Variants in TMEM229B observed in about 807,000 individuals in gnomAD.
The protein encoded by TMEM229B is chromosome 14 open reading frame 83.
Under a neutral mutation model 13.7 loss-of-function variants are expected in TMEM229B, and 6 were observed. The observed-to-expected ratio is 0.44, with a 90% CI of 0.24 to 0.86. The LOEUF (loss-of-function observed/expected upper bound fraction) is 0.86. Among genes scored for constraint, TMEM229B ranks in the 40% least tolerant of loss-of-function variants. TMEM229B has a pLI of 0.23. For missense variants in TMEM229B, 170 were observed against 236.0 expected (o/e 0.72, Z 1.83); for synonymous variants, 107 against 102.1 (o/e 1.05, Z -0.29).
chr14:67,517,424 G>A (rs148404078), upstream of TMEM229B, among the ~76,000 whole-genome samples: 357 of 152,176 alleles, frequency 2.3e-3, 2 homozygotes, highest in African/African-American at 8.1e-3. Context: ...TTAGGGACCC[G>A]CAAAAATGTA....
At chr14:67,489,883 G>A (rs573836932), upstream of TMEM229B, among the ~76,000 whole-genome samples, 6 of 152,224 alleles carry the variant, frequency 3.9e-5, no homozygotes, top group African/African-American at 1.4e-4. Context: ...CCAGCTACTT[G>A]GGAGGCTGAG....
intron 1 of TMEM229B, among the ~76,000 whole-genome samples, chr14:67,498,537 G>A (rs2032481223): frequency 6.6e-6 from 1 of 152,108 alleles, no homozygotes; most frequent in Non-Finnish European, 1.5e-5. Flanking sequence ...TAAAAGACAG[G>A]GCTACCATTT....
intron 2 of TMEM229B, among the ~76,000 whole-genome samples, chr14:67,479,505 G>A (rs1594681038): frequency 6.6e-6 from 1 of 151,336 alleles, no homozygotes; most frequent in Non-Finnish European, 1.5e-5. Context: ...ATCACCTGAG[G>A]TCAGGAGTTC....
chr14:67,526,816 C>A (rs1471203347), intron 1 of TMEM229B, among the ~76,000 whole-genome samples: 2 of 151,994 alleles, frequency 1.3e-5, no homozygotes, highest in African/African-American at 4.8e-5. Context: ...ATGTCCAGGG[C>A]TTCCATACTG....
intron 1 of TMEM229B, among the ~76,000 whole-genome samples, chr14:67,520,713 A>G (rs937895053): frequency 1.3e-5 from 2 of 152,154 alleles, no homozygotes; most frequent in African/African-American, 4.8e-5. Context: ...TTTACCCATC[A>G]CCTACTGAAG....
intron 1 of TMEM229B, among the ~76,000 whole-genome samples, chr14:67,506,216 C>T (rs535767145): frequency 1.3e-5 from 2 of 152,182 alleles, no homozygotes; most frequent in East Asian, 1.9e-4. Context: ...TGGGACTCTG[C>T]TTCATAAAGC....
chr14:67,517,301 G>T (rs1472748794), upstream of TMEM229B, among the ~76,000 whole-genome samples: 1 of 152,212 alleles, frequency 6.6e-6, no homozygotes, highest in Non-Finnish European at 1.5e-5. Flanking sequence ...GCTCTGGGAG[G>T]CAGCATTGCG....
At chr14:67,532,442 T>A (rs1411136640) in intron 1 of TMEM229B, among the ~76,000 whole-genome samples, 1 of 152,172 alleles carries the variant, frequency 6.6e-6, no homozygotes, top group Admixed American at 6.5e-5. Flanking sequence ...CCTAGCCAAA[T>A]GTTGAGTTTT....
chr14:67,531,074 C>G (rs1438409203), intron 1 of TMEM229B, among the ~76,000 whole-genome samples: 1 of 152,152 alleles, frequency 6.6e-6, no homozygotes, highest in Non-Finnish European at 1.5e-5. Context: ...CTCTCTGTTC[C>G]ATCCTCCATT....
At chr14:67,478,875 C>T (rs1326022766) in intron 2 of TMEM229B, among the ~76,000 whole-genome samples, 2 of 152,096 alleles carry the variant, frequency 1.3e-5, no homozygotes, top group Non-Finnish European at 2.9e-5. Flanking sequence ...GCACCAGCAG[C>T]CTCCTGAGGA....
At chr14:67,525,433 T>C (rs1242094188) in intron 1 of TMEM229B, among the ~76,000 whole-genome samples, 1 of 152,268 alleles carries the variant, frequency 6.6e-6, no homozygotes, top group Non-Finnish European at 1.5e-5. Context: ...TTACTAGTCC[T>C]AATTGACGGA....
intron 1 of TMEM229B, among the ~76,000 whole-genome samples, chr14:67,533,146 GGGA>G (rs975336417): frequency 3.3e-5 from 5 of 152,160 alleles, no homozygotes; most frequent in Non-Finnish European, 2.9e-5. Flanking sequence ...GGGAGCCGAG[GGGA>G]GGAGGGCGCC....
chr14:67,474,081 G>A (rs1404699720), intron 2 of TMEM229B, 140 bp from the exon 3 acceptor site: 14 of 947,040 alleles, frequency 1.5e-5, no homozygotes, highest in South Asian at 1.8e-5. Context: ...GTGAAACCCC[G>A]TCTCTACTAA....
rs149230503 is a variant in TMEM229B at position 67,472,244 on chromosome 14, G to A, written c.*1176C>T. On this transcript the variant is annotated 3_prime_UTR_variant, in exon 3 of 3. Coordinates refer to ENST00000554480, the MANE Select transcript of TMEM229B (RefSeq NM_001348543.2). ...CCAAGGAGCCTTCCACAGCTGCAAGGTCCTCCTCTCTTTCTTCCTCTCATT... is the reference window on the plus strand; with the variant it reads ...CCAAGGAGCCTTCCACAGCTGCAAGATCCTCCTCTCTTTCTTCCTCTCATT... The A allele has an allele frequency of 1.3e-5, 2 of 152,504 alleles. No homozygotes were observed. The highest frequency in any genetic ancestry group is 2.4e-5 in the African/African-American group (1 of 41,578). 9.4% of individuals were successfully genotyped at this position (152,504 alleles called of 1,614,324 possible).
chr14:67,509,448 A>G (rs1277248887), intron 1 of TMEM229B, among the ~76,000 whole-genome samples: 2 of 152,058 alleles, frequency 1.3e-5, no homozygotes, highest in African/African-American at 4.8e-5. Context: ...CCTCCCAAGT[A>G]GCTGGGACTA....
chr14:67,498,086 T>G (rs1462708844), intron 1 of TMEM229B, among the ~76,000 whole-genome samples: 1 of 152,184 alleles, frequency 6.6e-6, no homozygotes, highest in Non-Finnish European at 1.5e-5. Context: ...AGAGAACAAT[T>G]GTTTTTTCTT....
chr14:67,473,391 G>A lies in TMEM229B; in HGVS notation c.*29C>T. The A allele has an allele frequency of 1.2e-6, 2 of 1,606,310 alleles. No homozygotes were observed. Among genetic ancestry groups the A allele is most frequent in the Non-Finnish European group, 1.7e-6 (2 of 1,176,376 alleles). On this transcript the variant is annotated 3_prime_UTR_variant, in exon 3 of 3. Transcript: ENST00000554480. This position sits in a 1 kb window ranked among gnomAD's most constrained non-coding sequence, Gnocchi z 6.5. Reference sequence around the variant, plus strand: ...CTCTTTGTCCATGAGTTCCATGAGAGATCCCCAGGCCCCCCACCCGCTTCC... The same window carrying A: ...CTCTTTGTCCATGAGTTCCATGAGAAATCCCCAGGCCCCCCACCCGCTTCC...
intron 1 of TMEM229B, among the ~76,000 whole-genome samples, chr14:67,496,585 G>C (rs959985108): frequency 1.3e-5 from 2 of 151,706 alleles, no homozygotes; most frequent in Non-Finnish European, 2.9e-5. Flanking sequence ...GTAGACGTGA[G>C]AGAGGTGTCC....
At chr14:67,483,047 G>T (rs1326278934) in intron 2 of TMEM229B, among the ~76,000 whole-genome samples, 1 of 152,080 alleles carries the variant, frequency 6.6e-6, no homozygotes, top group African/African-American at 2.4e-5. Context: ...GTCTCACTTT[G>T]TCACCCAGGC....
Sources: gnomAD v4.1 joint callset for allele counts (sites outside exome capture counted in the v4.1 genomes callset) on GRCh38, gnomAD v4.1.1 for gene constraint, Gnocchi (gnomAD v3.1) non-coding constraint, MANE v1.5 for transcripts, NCBI Gene and HGNC (gene_info 2026-07-23, HGNC 2026-07-21) for gene names.